Variants in COL12A1 observed in about 807,000 individuals in gnomAD.
COL12A1 encodes the protein collagen alpha-1(XII) chain.
In COL12A1, 114 loss-of-function variants were observed where a neutral mutation model predicts 349.7. The observed-to-expected ratio is 0.33, with a 90% CI of 0.28 to 0.38. The LOEUF (loss-of-function observed/expected upper bound fraction) is 0.38, where lower values mean the gene tolerates loss of function less well. COL12A1 is among the 10% of genes least tolerant of loss of function. COL12A1 has a pLI of 1.00. For missense variants in COL12A1, 3,284 were observed against 3,756.9 expected (o/e 0.87, Z 3.29); for synonymous variants, 1,369 against 1,329.0 (o/e 1.03, Z -0.66).
Position 75,156,396 on chromosome 6 carries a change from C to T in COL12A1, c.3111G>A (p.Lys1037=), listed in dbSNP as rs773188792. 1 of 1,613,988 alleles carries T rather than the reference C, an allele frequency of 6.2e-7. No individual in the cohort carries two copies. The highest frequency in any genetic ancestry group is 1.1e-5 in the South Asian group (1 of 91,078). The change falls in exon 15 of 66, where the codon AAG becomes AAA. Residue 1037 remains lysine (K), a synonymous_variant. Transcript: ENST00000322507. ...RVVYRPHGRG[K]QMVAKVPPTV... is the part of the protein sequence containing the mutation. ...TGGGGGGCACCTTAGCAACCATTTG[C>T]TTCCCTCTCCCATGAGGGCGATAGA...
In COL12A1 at chr6:75,138,528, T is replaced by C. The variant is rs1271890801; in HGVS notation, c.5150A>G (p.Asn1717Ser). Reference protein sequence around the residue: ...NTLVFENLNPNTIYEVSITAI... With the variant: ...NTLVFENLNPSTIYEVSITAI... The stretch of plus-strand genomic sequence containing the variant: ...AGTAATGGAAACTTCATAGATGGTG[T>C]TGGGGTTCAGGTTTTCGAACACCAA... The change falls in exon 29 of 66, where the codon AAC becomes AGC. Residue 1717 changes from asparagine to serine, a missense_variant. Asn to Ser is a conservative substitution (Grantham distance 46). Around this residue, in one of 2 missense-constraint regions of COL12A1, gnomAD observed 2,601 missense variants for 2,824.8 expected, o/e 0.92. Transcript: ENST00000322507. The C allele has an allele frequency of 2.5e-6, 4 of 1,614,070 alleles. No homozygotes were observed. Among genetic ancestry groups the C allele is most frequent in the South Asian group, 1.1e-5 (1 of 91,074 alleles).
intron 22 of COL12A1, 83 bp downstream of exon 22, chr6:75,148,275 A>C: frequency 7.2e-7 from 1 of 1,388,940 alleles, no homozygotes; most frequent in Middle Eastern, 2.1e-4. Flanking sequence ...CTTGCCCCTC[A>C]CCTAACATTA....
At chr6:75,130,312 G>T in intron 36 of COL12A1, 79 bp from the exon 37 acceptor site, 1 of 1,422,056 alleles carries the variant, frequency 7.0e-7, no homozygotes, top group Non-Finnish European at 9.6e-7. Context: ...TTGCTTGCAT[G>T]TGTTTCATTC....
intron 13 of COL12A1, 36 bp from the exon 14 acceptor site, chr6:75,165,815 A>T: frequency 6.3e-7 from 1 of 1,588,814 alleles, no homozygotes; most frequent in Non-Finnish European, 8.6e-7. Flanking sequence ...TTTTTTAAAA[A>T]TGTCTAGTAG....
chr6:75,146,321 T>G, intron 23 of COL12A1, 77 bp from the exon 24 acceptor site: 2 of 1,425,616 alleles, frequency 1.4e-6, no homozygotes, highest in East Asian at 2.4e-5. Context: ...TTGTACTCAA[T>G]TATTGATATT....
chr6:75,143,430 C>A (rs769939032), intron 25 of COL12A1, 42 bp from the exon 26 acceptor site: 36 of 1,597,276 alleles, frequency 2.3e-5, no homozygotes, highest in Non-Finnish European at 3.1e-5. Context: ...TGCTTCTCAA[C>A]CACAAAGCTC....
chr6:75,156,661 C>T (rs1454043414), intron 14 of COL12A1, 138 bp from the exon 15 acceptor site: 1 of 851,180 alleles, frequency 1.2e-6, no homozygotes, highest in Admixed American at 2.9e-5. Context: ...TGTAATCTCT[C>T]ATAAATTCAT....
chr6:75,086,665 TATATA>T, intron 65 of COL12A1, 108 bp from the exon 66 acceptor site: 1 of 375,592 alleles, frequency 2.7e-6, no homozygotes, highest in Non-Finnish European at 4.3e-6. Flanking sequence ...TATATATATA[TATATA>T]TATCCATATA....
chr6:75,094,627 TA>T (rs1402718711), intron 60 of COL12A1, among the ~76,000 whole-genome samples: 2 of 152,146 alleles, frequency 1.3e-5, no homozygotes, highest in African/African-American at 4.8e-5. Context: ...ATAAAGTTAA[TA>T]AATAATTTTA....
intron 21 of COL12A1, among the ~76,000 whole-genome samples, chr6:75,150,263 C>T (rs1431123503): frequency 6.6e-6 from 1 of 152,090 alleles, no homozygotes; most frequent in Admixed American, 6.6e-5. Flanking sequence ...TTGGTGATTA[C>T]CATGTTTTGT....
chr6:75,143,167 G>T, intron 26 of COL12A1, 85 bp downstream of exon 26: 8 of 1,447,368 alleles, frequency 5.5e-6, no homozygotes, highest in Non-Finnish European at 7.6e-6. Flanking sequence ...TTCAAAACAT[G>T]CTATCATCCA....
Position 75,156,242 on chromosome 6 carries a change from A to C in COL12A1, c.3250+15T>G. 6.2e-7 allele frequency: 1 copy of C among 1,611,992 alleles called. No individual in the cohort carries two copies. The highest frequency in any genetic ancestry group is 1.1e-5 in the South Asian group (1 of 90,862). ...TACCTTCTCTCCCCCTCAAAATATA[A>C]TTATTATTTCATACCTGTTGTTCCT... On this transcript the variant is annotated intron_variant, in intron 15 of 65. Coordinates refer to ENST00000322507, the MANE Select transcript of COL12A1 (RefSeq NM_004370.6).
chr6:75,201,910 G>C (rs1770548040), intron 2 of COL12A1, among the ~76,000 whole-genome samples: 1 of 152,188 alleles, frequency 6.6e-6, no homozygotes. Flanking sequence ...CTGCCTCCGC[G>C]GGAAGGTCCG....
rs143357577 is a variant in COL12A1 at position 75,130,770 on chromosome 6, C to A, written c.6067+82G>T. ...AGAAAGCACCCATCTCTCACCACCCCCCTCCCACCACTCATTCAATCAGAG... is the reference window on the plus strand; with the variant it reads ...AGAAAGCACCCATCTCTCACCACCCACCTCCCACCACTCATTCAATCAGAG... On this transcript the variant is annotated intron_variant, in intron 36 of 65. Transcript: ENST00000322507. 16,250 of 1,556,902 alleles carry A rather than the reference C, an allele frequency of 0.01. 114 individuals are homozygous for A. The highest frequency in any genetic ancestry group is 0.016 in the South Asian group (1,327 of 85,034).
At chr6:75,138,714 G>A in intron 28 of COL12A1, 108 bp downstream of exon 28, 1 of 1,559,720 alleles carries the variant, frequency 6.4e-7, no homozygotes, top group Non-Finnish European at 8.7e-7. Flanking sequence ...GAGCTCAAAT[G>A]TCAATAAATG....
intron 49 of COL12A1, 26 bp downstream of exon 49, chr6:75,115,758 G>T: frequency 1.9e-6 from 3 of 1,570,318 alleles, no homozygotes; most frequent in Non-Finnish European, 2.6e-6. Context: ...CTTAAGAAAA[G>T]GAAAACCTCC....
At position 75,138,599 on chromosome 6, in the gene COL12A1, A is replaced by G. The variant is rs201111398; in HGVS notation, c.5098-19T>C. The G allele has an allele frequency of 1.4e-5, 22 of 1,611,398 alleles. No individual in the cohort carries two copies. The highest frequency in any genetic ancestry group is 5.3e-5 in the African/African-American group (4 of 74,774). Reference sequence around the variant, plus strand: ...AGATGGTCTTGGAGAAAGAGGACAAAAACATACCCACGCAAAAGTAAGTCT... The same window carrying G: ...AGATGGTCTTGGAGAAAGAGGACAAGAACATACCCACGCAAAAGTAAGTCT... On this transcript the variant is annotated intron_variant, in intron 28 of 65. Coordinates refer to ENST00000322507, the MANE Select transcript of COL12A1 (RefSeq NM_004370.6).
At chr6:75,176,449 G>C (rs913581942) in intron 12 of COL12A1, among the ~76,000 whole-genome samples, 1 of 148,130 alleles carries the variant, frequency 6.8e-6, no homozygotes, top group Non-Finnish European at 1.5e-5. Context: ...AGGGAGGGCA[G>C]TGGGCGGTGG....
chr6:75,119,117 T>G lies in COL12A1; in HGVS notation c.7280A>C (p.Lys2427Thr). 6.2e-7 allele frequency: 1 copy of G among 1,613,978 alleles called. No homozygotes were observed. The highest frequency in any genetic ancestry group is 8.5e-7 in the Non-Finnish European group (1 of 1,179,906). Residue 2427 changes from lysine to threonine, a missense_variant, in exon 46 of 66, where the codon AAG becomes ACG. By Grantham distance (78) the Lys-to-Thr change is moderately conservative. Transcript: ENST00000322507. The part of the protein sequence containing the change: ...WESGMRKNVP[K>T]VLVVVTDGRS... ...ACCGTCCGTGACCACAACCAACACCTTAGGGACATTCTTCCTCATGCCGCT... is the reference window on the plus strand; with the variant it reads ...ACCGTCCGTGACCACAACCAACACCGTAGGGACATTCTTCCTCATGCCGCT...
Sources: gnomAD v4.1 joint callset for allele counts (sites outside exome capture counted in the v4.1 genomes callset) on GRCh38, gnomAD v4.1.1 for gene constraint, gnomAD v4.1.1 regional missense constraint, MANE v1.5 for transcripts, NCBI Gene and HGNC (gene_info 2026-07-23, HGNC 2026-07-21) for gene names.